The following SLIT2 variants were observed in gnomAD, a reference collection of about 807,000 sequenced individuals.
The protein encoded by SLIT2 is slit homolog 2 protein.
A neutral mutation model predicts 185.7 loss-of-function variants in SLIT2; 41 were observed. The ratio of observed to expected loss-of-function variants is 0.22; its 90% CI spans 0.17 to 0.29. The LOEUF (loss-of-function observed/expected upper bound fraction) is 0.29, where lower values mean the gene tolerates loss of function less well. Ranked by LOEUF, SLIT2 falls within the 10% of genes least tolerant of loss-of-function variation. The pLI is 1.00. For missense variants in SLIT2, 1,571 were observed against 1,909.0 expected, an observed-to-expected ratio of 0.82 and a Z score of 3.30; for synonymous variants, 693 against 680.2, an observed-to-expected ratio of 1.02 and a Z score of -0.29.
intron 6 of SLIT2, among the ~76,000 whole-genome samples, chr4:20,482,248 A>C (rs923408309): frequency 3.3e-5 from 5 of 151,968 alleles, no homozygotes; most frequent in African/African-American, 1.2e-4. Context: ...TATGAATGAT[A>C]CCAATCATTT....
intron 26 of SLIT2, among the ~76,000 whole-genome samples, chr4:20,554,903 G>A (rs1240566268): frequency 6.6e-6 from 1 of 152,212 alleles, no homozygotes; most frequent in African/African-American, 2.4e-5. Context: ...CCGAGTAGCT[G>A]GGATTACAGG....
At chr4:20,323,019 A>G (rs1247862219) in intron 4 of SLIT2, among the ~76,000 whole-genome samples, 1 of 152,166 alleles carries the variant, frequency 6.6e-6, no homozygotes, top group Admixed American at 6.6e-5. Flanking sequence ...CCTCATCACA[A>G]CCCTGTCATA....
intron 4 of SLIT2, among the ~76,000 whole-genome samples, chr4:20,276,521 T>G (rs1378627798): frequency 6.6e-6 from 1 of 152,182 alleles, no homozygotes; most frequent in Non-Finnish European, 1.5e-5. Flanking sequence ...AGAACATCTG[T>G]GTCTCTTGAA....
intron 4 of SLIT2, among the ~76,000 whole-genome samples, chr4:20,366,157 C>T (rs1723100565): frequency 6.6e-6 from 1 of 152,086 alleles, no homozygotes; most frequent in Admixed American, 6.6e-5. Flanking sequence ...TCCTCCCTCC[C>T]TCTCTTATTG....
intron 4 of SLIT2, among the ~76,000 whole-genome samples, chr4:20,329,364 A>G (rs1719876056): frequency 6.6e-6 from 1 of 151,974 alleles, no homozygotes; most frequent in Non-Finnish European, 1.5e-5. Context: ...ATTAAAATAT[A>G]TGATTTATAA....
intron 19 of SLIT2, 48 bp from the exon 20 acceptor site, chr4:20,541,405 A>T (rs1722790281): frequency 6.4e-7 from 1 of 1,560,330 alleles, no homozygotes. Context: ...AGAAGGAAGA[A>T]GATGAAACCC....
chr4:20,505,484 G>A (rs911398890), intron 9 of SLIT2, among the ~76,000 whole-genome samples: 1 of 152,064 alleles, frequency 6.6e-6, no homozygotes, highest in Non-Finnish European at 1.5e-5. Flanking sequence ...TGAAAATAAT[G>A]TCTACGAATT....
At chr4:20,459,773 A>C (rs1713488585) in intron 4 of SLIT2, among the ~76,000 whole-genome samples, 1 of 152,012 alleles carries the variant, frequency 6.6e-6, no homozygotes, top group Admixed American at 6.6e-5. Context: ...CTATAATGCC[A>C]GATTTTGTTA....
intron 5 of SLIT2, among the ~76,000 whole-genome samples, chr4:20,469,545 A>G (rs1044915668): frequency 6.6e-6 from 1 of 152,084 alleles, no homozygotes; most frequent in African/African-American, 2.4e-5. Flanking sequence ...TGATTTAGCA[A>G]AGTTTTCAAA....
At chr4:20,461,349 C>A (rs1375630814) in intron 4 of SLIT2, among the ~76,000 whole-genome samples, 1 of 151,944 alleles carries the variant, frequency 6.6e-6, no homozygotes, top group Non-Finnish European at 1.5e-5. Flanking sequence ...TTGCAGGTAA[C>A]CCTAAGGAGG....
chr4:20,505,255 C>A (rs1719100860), intron 9 of SLIT2, among the ~76,000 whole-genome samples: 1 of 151,934 alleles, frequency 6.6e-6, no homozygotes, highest in African/African-American at 2.4e-5. Context: ...AAGAAAATAG[C>A]TTTTGTAAGG....
Position 20,561,618 on chromosome 4 carries a change from C to T in SLIT2, c.2726-5644C>T, listed in dbSNP as rs112091816. Reference sequence around the variant, plus strand: ...AGAATAATAATTATTCAAAACTGATCAGTTAGATCAGTTTTGAAGCATTAT... The same window carrying T: ...AGAATAATAATTATTCAAAACTGATTAGTTAGATCAGTTTTGAAGCATTAT... On this transcript the variant is annotated intron_variant, in intron 26 of 36. Coordinates refer to ENST00000504154, the MANE Select transcript of SLIT2 (RefSeq NM_004787.4). Among the ~76,000 whole-genome samples the T allele has an allele frequency of 2.8e-3, 424 of 151,538 alleles. 6 individuals are homozygous for T. Among genetic ancestry groups the T allele is most frequent in the African/African-American group, 1.0e-2 (411 of 41,294 alleles).
At chr4:20,376,145 A>T (rs1338716848) in intron 4 of SLIT2, among the ~76,000 whole-genome samples, 2 of 138,816 alleles carry the variant, frequency 1.4e-5, no homozygotes, top group African/African-American at 2.7e-5. Flanking sequence ...TTTTTTTACA[A>T]ATCTCTTTAG....
At chr4:20,525,046 T>C in intron 14 of SLIT2, 103 bp from the exon 15 acceptor site, 1 of 820,546 alleles carries the variant, frequency 1.2e-6, no homozygotes, top group South Asian at 1.4e-5. Context: ...CATTTTTCAC[T>C]TAATTGCAGT....
intron 4 of SLIT2, among the ~76,000 whole-genome samples, chr4:20,367,647 G>T (rs1434301768): frequency 6.6e-6 from 1 of 152,106 alleles, no homozygotes; most frequent in Admixed American, 6.5e-5. Context: ...AAAGATTTTA[G>T]CATTTATTTC....
At chr4:20,536,055 A>T (rs1722250996) in intron 18 of SLIT2, among the ~76,000 whole-genome samples, 2 of 152,214 alleles carry the variant, frequency 1.3e-5, no homozygotes, top group Admixed American at 1.3e-4. Flanking sequence ...TACTAACACA[A>T]TGTAAAGTAT....
chr4:20,568,733 TA>T (rs1020244031), intron 28 of SLIT2, 131 bp from the exon 29 acceptor site: 5 of 771,768 alleles, frequency 6.5e-6, no homozygotes, highest in African/African-American at 3.5e-5. Context: ...AAAAGCATTT[TA>T]AAAAATCAAT....
intron 11 of SLIT2, among the ~76,000 whole-genome samples, chr4:20,511,591 T>TTTTTTTTTA (rs1553915364): frequency 1.5e-5 from 2 of 132,774 alleles, no homozygotes; most frequent in East Asian, 2.3e-4. Flanking sequence ...CAGCTAATTT[T>TTTTTTTTTA]TTTTTTTTTT....
chr4:20,501,543 C>T (rs1045945259), intron 9 of SLIT2, among the ~76,000 whole-genome samples: 4 of 152,162 alleles, frequency 2.6e-5, no homozygotes, highest in Admixed American at 6.5e-5. Context: ...CTCGGCCTCT[C>T]AAAGTGCTGG....
Sources: allele counts gnomAD v4.1 joint callset (sites outside exome capture counted in the v4.1 genomes callset), GRCh38; gene constraint gnomAD v4.1.1; transcripts MANE v1.5; gene names NCBI Gene and HGNC (gene_info 2026-07-23, HGNC 2026-07-21).